Variants in POMGNT2 observed in about 807,000 individuals in gnomAD.
POMGNT2 encodes the protein protein O-linked-mannose beta-1,4-N-acetylglucosaminyltransferase 2.
In POMGNT2, 32 loss-of-function variants were observed where a neutral mutation model predicts 37.8. The observed-to-expected ratio is 0.85, with a 90% CI of 0.64 to 1.14. The LOEUF is 1.14. Ranked by LOEUF, POMGNT2 falls within the 50% of genes most tolerant of loss-of-function variation. POMGNT2 has a pLI of 0.00. For synonymous variants in POMGNT2, 340 were observed against 336.8 expected (o/e 1.01, Z -0.10); for missense variants, 705 against 780.6 (o/e 0.90, Z 1.15).
In POMGNT2 at chr3:43,080,184, A is replaced by G. The variant is rs1182852977; in HGVS notation, c.1248T>C (p.His416=). The G allele has an allele frequency of 1.9e-6, 3 of 1,613,862 alleles. No homozygotes were observed. The highest frequency in any genetic ancestry group is 1.7e-5 in the Admixed American group (1 of 60,022). ...ERPWDQGGIT[H]LDRAEQARIL... is the part of the protein sequence containing the mutation. Reference sequence around the variant, plus strand: ...TACGGGCTTGCTCAGCCCGGTCCAGATGGGTGATGCCCCCCTGATCCCAGG... The same window carrying G: ...TACGGGCTTGCTCAGCCCGGTCCAGGTGGGTGATGCCCCCCTGATCCCAGG... Residue 416 remains histidine, a synonymous_variant, in exon 2 of 2, where the codon CAT becomes CAC. Transcript: ENST00000344697.
intron 1 of POMGNT2, chr3:43,087,921 C>T (rs1189220885): frequency 6.6e-6 from 1 of 152,210 alleles, no homozygotes; most frequent in Non-Finnish European, 1.5e-5. Flanking sequence ...CCTTTCTAAA[C>T]TCAGGCTCCT....
chr3:43,094,541 T>C (rs996076679), intron 1 of POMGNT2, among the ~76,000 whole-genome samples: 11 of 152,220 alleles, frequency 7.2e-5, no homozygotes, highest in African/African-American at 2.7e-4. Flanking sequence ...CCTTAGAGAC[T>C]GAAGAGACTT....
At chr3:43,084,811 T>C (rs931998917) in intron 1 of POMGNT2, among the ~76,000 whole-genome samples, 2 of 152,218 alleles carry the variant, frequency 1.3e-5, no homozygotes, top group African/African-American at 4.8e-5. Flanking sequence ...ATTGAGCCCA[T>C]TCAGTAATTT....
chr3:43,094,650 A>C (rs892023086), intron 1 of POMGNT2, among the ~76,000 whole-genome samples: 8 of 152,182 alleles, frequency 5.3e-5, no homozygotes, highest in Non-Finnish European at 1.0e-4. Context: ...CTGTGCACCA[A>C]CTGCCTCCCC....
At chr3:43,093,506 G>C (rs1302918364) in intron 1 of POMGNT2, among the ~76,000 whole-genome samples, 1 of 152,202 alleles carries the variant, frequency 6.6e-6, no homozygotes, top group African/African-American at 2.4e-5. Flanking sequence ...CCTTCCAAGG[G>C]GAAAATGGGA....
chr3:43,099,447 T>G (rs1431728049), intron 1 of POMGNT2, among the ~76,000 whole-genome samples: 1 of 152,214 alleles, frequency 6.6e-6, no homozygotes, highest in Non-Finnish European at 1.5e-5. Context: ...CAAATCTGTC[T>G]GCAGCAAGCA....
intron 1 of POMGNT2, among the ~76,000 whole-genome samples, chr3:43,081,878 G>A (rs2089859357): frequency 6.6e-6 from 1 of 152,258 alleles, no homozygotes; most frequent in Non-Finnish European, 1.5e-5. Flanking sequence ...ACTGCCATAA[G>A]AAGAATGTAT....
chr3:43,100,612 C>T (rs2090011699), intron 1 of POMGNT2, among the ~76,000 whole-genome samples: 1 of 152,134 alleles, frequency 6.6e-6, no homozygotes, highest in Non-Finnish European at 1.5e-5. Flanking sequence ...CAAAAATTAA[C>T]GAAATGAATA....
chr3:43,080,119 C>T lies in POMGNT2; in HGVS notation c.1313G>A (p.Arg438Gln), dbSNP rs371405205. The T allele has an allele frequency of 4.6e-5, 75 of 1,613,758 alleles. No individual in the cohort carries two copies. Among genetic ancestry groups the T allele is most frequent in the South Asian group, 5.5e-5 (5 of 91,082 alleles). Residue 438 changes from arginine to glutamine, a missense_variant, in exon 2 of 2, where the codon CGG becomes CAG. Physicochemically the swap from Arg to Gln is conservative, Grantham distance 43. Coordinates refer to ENST00000344697, the MANE Select transcript of POMGNT2 (RefSeq NM_032806.6). ...SREVPRHLCCRNPEWLFRIYQ... is the reference protein window; with the variant it reads ...SREVPRHLCCQNPEWLFRIYQ... ...GATTCGGAAGAGCCACTCGGGGTTC[C>T]GGCAACAGAGATGCCGTGGGACCTC...
intron 1 of POMGNT2, chr3:43,088,039 A>G (rs2089912333): frequency 6.6e-6 from 1 of 152,250 alleles, no homozygotes; most frequent in Non-Finnish European, 1.5e-5. Flanking sequence ...TTTGACTTAT[A>G]AGAACCACAA....
At chr3:43,090,341 C>CA (rs11403902) in intron 1 of POMGNT2, 148,048 of 152,312 alleles carry the variant, frequency 0.97, 72,088 homozygotes, top group Middle Eastern at 1. Context: ...TATATCACTG[C>CA]CATGCTCTTT....
intron 1 of POMGNT2, among the ~76,000 whole-genome samples, chr3:43,083,728 G>C (rs1291657223): frequency 6.6e-6 from 1 of 152,186 alleles, no homozygotes; most frequent in Non-Finnish European, 1.5e-5. Context: ...ACATCAGACA[G>C]TAATTTTGGC....
rs550453105 is a variant in POMGNT2 at position 43,092,205 on chromosome 3, T to C, written c.-105-10669A>G. On this transcript the variant is annotated intron_variant, in intron 1 of 1. Transcript: ENST00000344697. ...AGTGGGGAGAAATGGTTTATGTAAC[T>C]TTTTTGTAAGTCTAAAATGTATTCA... Among the ~76,000 whole-genome samples the C allele has an allele frequency of 6.5e-4, 99 of 152,340 alleles. 1 individual carries two copies. The Middle Eastern group carries it at 0.01, about 16-fold the overall frequency.
chr3:43,084,665 A>AG (rs1559416194), intron 1 of POMGNT2, among the ~76,000 whole-genome samples: 1 of 148,416 alleles, frequency 6.7e-6, no homozygotes, highest in Non-Finnish European at 1.5e-5. Flanking sequence ...AAAAAAAAAA[A>AG]TTGTACTGTC....
intron 1 of POMGNT2, 147 bp from the exon 2 acceptor site, chr3:43,081,683 C>T (rs1479224927): frequency 7.9e-6 from 4 of 509,530 alleles, no homozygotes; most frequent in East Asian, 6.3e-5. Flanking sequence ...CATTGGTAGG[C>T]GTGGTAGATT....
intron 1 of POMGNT2, among the ~76,000 whole-genome samples, chr3:43,091,896 G>A (rs1358137264): frequency 6.6e-6 from 1 of 152,214 alleles, no homozygotes; most frequent in Admixed American, 6.5e-5. Context: ...AGCTAATAGA[G>A]AAAATCTTAA....
intron 1 of POMGNT2, among the ~76,000 whole-genome samples, chr3:43,090,212 T>C (rs1003532819): frequency 6.6e-6 from 1 of 152,222 alleles, no homozygotes; most frequent in Non-Finnish European, 1.5e-5. Context: ...CCCTCATTCA[T>C]AAGACTCTCT....
At position 43,101,046 on chromosome 3, in the gene POMGNT2, T is replaced by C. The variant is rs116800496; in HGVS notation, c.-106+4790A>G. Among the ~76,000 whole-genome samples, 704 of 152,304 alleles carry C rather than the reference T, an allele frequency of 4.6e-3. 6 individuals carry two copies. Among genetic ancestry groups the C allele is most frequent in the African/African-American group, 0.016 (648 of 41,578 alleles). On this transcript the variant is annotated intron_variant, in intron 1 of 1. Coordinates refer to ENST00000344697, the MANE Select transcript of POMGNT2 (RefSeq NM_032806.6). Reference sequence around the variant, plus strand: ...TGGAGAAAAGAAGCCCCTGCACCCATGGTGTCTTCAAATACCTGAGTTGCT... The same window carrying C: ...TGGAGAAAAGAAGCCCCTGCACCCACGGTGTCTTCAAATACCTGAGTTGCT...
At chr3:43,083,183 A>G (rs1002580582) in intron 1 of POMGNT2, among the ~76,000 whole-genome samples, 2 of 152,188 alleles carry the variant, frequency 1.3e-5, no homozygotes, top group Admixed American at 6.5e-5. Context: ...AGTATCATAC[A>G]TTCTAGCTTT....
Sources: allele counts gnomAD v4.1 joint callset (sites outside exome capture counted in the v4.1 genomes callset), GRCh38; gene constraint gnomAD v4.1.1; transcripts MANE v1.5; gene names NCBI Gene and HGNC (gene_info 2026-07-23, HGNC 2026-07-21).